The following PRKD1 variants were observed in gnomAD, a reference collection of about 807,000 sequenced individuals.
PRKD1 encodes the protein serine/threonine-protein kinase D1.
Under a neutral mutation model 95.9 loss-of-function variants are expected in PRKD1, and 63 were observed. The ratio of observed to expected loss-of-function variants is 0.66; its 90% CI spans 0.54 to 0.81. The LOEUF is 0.81. PRKD1 is among the 30% of genes least tolerant of loss of function. The pLI, the probability that PRKD1 is intolerant of heterozygous loss-of-function variation, is 0.00. For synonymous variants in PRKD1, 425 were observed against 423.1 expected, an observed-to-expected ratio of 1.00 and a Z score of -0.05; for missense variants, 1,048 against 1,165.3, an observed-to-expected ratio of 0.90 and a Z score of 1.47.
chr14:29,613,199 TAC>T (rs1291563763), intron 13 of PRKD1, among the ~76,000 whole-genome samples: 1 of 152,204 alleles, frequency 6.6e-6, no homozygotes, highest in Non-Finnish European at 1.5e-5. Context: ...AACATCTCAA[TAC>T]ACACTGAAAG....
intron 1 of PRKD1, among the ~76,000 whole-genome samples, chr14:29,762,309 C>T (rs1419986131): frequency 6.6e-6 from 1 of 152,116 alleles, no homozygotes; most frequent in East Asian, 1.9e-4. Flanking sequence ...TTACTATAGA[C>T]TCTTGAACTC....
intron 1 of PRKD1, among the ~76,000 whole-genome samples, chr14:29,922,015 A>C (rs989120460): frequency 5.6e-4 from 85 of 152,342 alleles, no homozygotes; most frequent in African/African-American, 2.0e-3. Flanking sequence ...AAAAAGGTTT[A>C]TAAGTCTGTG....
intron 1 of PRKD1, among the ~76,000 whole-genome samples, chr14:29,814,766 T>C (rs1890625965): frequency 6.6e-6 from 1 of 152,216 alleles, no homozygotes; most frequent in South Asian, 2.1e-4. Flanking sequence ...AAACCTTGAA[T>C]CTGTTCTCTT....
intron 13 of PRKD1, among the ~76,000 whole-genome samples, chr14:29,603,975 T>A (rs1167548711): frequency 1.3e-5 from 2 of 152,198 alleles, no homozygotes; most frequent in African/African-American, 2.4e-5. Flanking sequence ...GTTGTTTCGA[T>A]GCCTGGGAGG....
At chr14:29,652,236 C>A (rs780206488) in intron 4 of PRKD1, among the ~76,000 whole-genome samples, 1 of 152,066 alleles carries the variant, frequency 6.6e-6, no homozygotes, top group Non-Finnish European at 1.5e-5. Flanking sequence ...GGTCACGGTA[C>A]CTTGCCTGAG....
chr14:29,578,977 T>C (rs2333591), intron 16 of PRKD1, among the ~76,000 whole-genome samples: 80,307 of 151,744 alleles, frequency 0.53, 21,711 homozygotes, highest in Non-Finnish European at 0.6. Context: ...ATTGGAATTA[T>C]ATCAGCCTTC....
intron 16 of PRKD1, among the ~76,000 whole-genome samples, chr14:29,596,798 A>G (rs913433883): frequency 1.3e-5 from 2 of 152,178 alleles, no homozygotes; most frequent in African/African-American, 4.8e-5. Context: ...TTTCCGAAGT[A>G]CTGAATGAGT....
chr14:29,668,171 A>T (rs771798040), intron 2 of PRKD1, among the ~76,000 whole-genome samples: 2 of 152,182 alleles, frequency 1.3e-5, no homozygotes, highest in Non-Finnish European at 2.9e-5. Flanking sequence ...CCCTGGGGGA[A>T]ATCAGCATTA....
At chr14:29,908,824 A>C (rs1894589295) in intron 1 of PRKD1, among the ~76,000 whole-genome samples, 1 of 152,168 alleles carries the variant, frequency 6.6e-6, no homozygotes, top group African/African-American at 2.4e-5. Context: ...AGACGGTTTT[A>C]AGAGGTGACA....
At chr14:29,868,608 G>A (rs1317459097) in intron 1 of PRKD1, among the ~76,000 whole-genome samples, 1 of 151,982 alleles carries the variant, frequency 6.6e-6, no homozygotes, top group African/African-American at 2.4e-5. Context: ...GGAATGAGAG[G>A]TGAAAAATCC....
chr14:29,789,700 C>T (rs78843634), intron 1 of PRKD1, among the ~76,000 whole-genome samples: 1 of 152,228 alleles, frequency 6.6e-6, no homozygotes, highest in African/African-American at 2.4e-5. Context: ...CATCTTTACA[C>T]CCCTAGACAC....
chr14:29,653,634 C>A (rs1010151306), intron 4 of PRKD1, among the ~76,000 whole-genome samples: 2 of 151,866 alleles, frequency 1.3e-5, no homozygotes, highest in Non-Finnish European at 2.9e-5. Flanking sequence ...TTAATCTGGC[C>A]ATGTTGATTT....
At chr14:29,623,508 G>T (rs1345977411) in intron 13 of PRKD1, among the ~76,000 whole-genome samples, 2 of 152,146 alleles carry the variant, frequency 1.3e-5, no homozygotes, top group African/African-American at 2.4e-5. Context: ...CAACTGAGTA[G>T]ACTAGATAGC....
intron 1 of PRKD1, among the ~76,000 whole-genome samples, chr14:29,787,473 G>A (rs1316150072): frequency 6.6e-6 from 1 of 151,964 alleles, no homozygotes; most frequent in Non-Finnish European, 1.5e-5. Context: ...TATCTGTTTA[G>A]CTCTAATAAT....
Position 29,923,766 on chromosome 14 carries a change from T to TA in PRKD1, c.264+3482dup, listed in dbSNP as rs200298134. On this transcript the variant is annotated intron_variant, in intron 1 of 17. Coordinates refer to ENST00000331968, the MANE Select transcript of PRKD1 (RefSeq NM_002742.3). ...TAATAACCAAAATGAACAATCATAT[T>TA]AATGGCATCAAGCATCCCTAAAGAG... is the stretch of plus-strand genomic sequence containing the variant. 7.7e-3 allele frequency among the ~76,000 whole-genome samples: 1,096 copies of TA among 143,038 alleles called. 6 individuals are homozygous for TA. Among genetic ancestry groups the TA allele is most frequent in the Non-Finnish European group, 0.01 (696 of 66,586 alleles). The allele number at this position is 143,038 out of a possible 152,430, so 93.8% of individuals were successfully genotyped here. A position where few individuals can be genotyped will look rare whatever the true frequency, so the allele number is the denominator to read the frequency against.
intron 1 of PRKD1, among the ~76,000 whole-genome samples, chr14:29,809,374 G>A (rs2139238777): frequency 6.6e-6 from 1 of 152,292 alleles, no homozygotes; most frequent in African/African-American, 2.4e-5. Context: ...TGGAGGCTTT[G>A]AAGCCAGGCA....
intron 2 of PRKD1, among the ~76,000 whole-genome samples, chr14:29,669,160 C>T (rs1409832503): frequency 1.3e-5 from 2 of 152,062 alleles, no homozygotes; most frequent in Non-Finnish European, 2.9e-5. Context: ...AAATAAGAAG[C>T]CATGAAATAA....
intron 1 of PRKD1, among the ~76,000 whole-genome samples, chr14:29,925,618 C>T (rs10130233): frequency 0.42 from 64,337 of 151,778 alleles, 15,076 homozygotes; most frequent in African/African-American, 0.63. Context: ...CATCAGTCTC[C>T]CCATTCTGAA....
At chr14:29,865,508 T>C (rs1892863614) in intron 1 of PRKD1, among the ~76,000 whole-genome samples, 1 of 152,188 alleles carries the variant, frequency 6.6e-6, no homozygotes, top group East Asian at 1.9e-4. Context: ...TGGTTCATTA[T>C]CACAAGAGTG....
Sources: gnomAD v4.1 joint callset for allele counts (sites outside exome capture counted in the v4.1 genomes callset) on GRCh38, gnomAD v4.1.1 for gene constraint, MANE v1.5 for transcripts, NCBI Gene and HGNC (gene_info 2026-07-23, HGNC 2026-07-21) for gene names.